Variants in ABCG1 observed in about 807,000 individuals in gnomAD.
ABCG1 encodes the protein ATP-binding cassette sub-family G member 1.
ABCG1 carries 29 observed loss-of-function variants against 69.2 expected under a neutral mutation model. The observed-to-expected ratio is 0.42, with a 90% CI of 0.31 to 0.57. The LOEUF (loss-of-function observed/expected upper bound fraction) is 0.57. Among genes scored for constraint, ABCG1 ranks in the 20% least tolerant of loss-of-function variants. The pLI is 0.15. For missense variants in ABCG1, 718 were observed against 898.1 expected (o/e 0.80, Z 2.56); for synonymous variants, 370 against 374.8 (o/e 0.99, Z 0.15).
intron 7 of ABCG1, among the ~76,000 whole-genome samples, chr21:42,284,888 C>T (rs1465873321): frequency 3.9e-5 from 6 of 152,064 alleles, no homozygotes; most frequent in Non-Finnish European, 8.8e-5. Flanking sequence ...TCTGTTACCT[C>T]GTGGGATGTC....
chr21:42,279,494 C>A (rs1369960412), intron 5 of ABCG1, among the ~76,000 whole-genome samples: 1 of 152,208 alleles, frequency 6.6e-6, no homozygotes, highest in Non-Finnish European at 1.5e-5. Flanking sequence ...TGGGCCACTG[C>A]CTGCTGTGCC....
rs1037286999 is a variant in ABCG1, at chr21:42,283,653, C to A, written c.735-907C>A. ...TGCCTGCCTGGACAGTTGTGAAGTC[C>A]CCCCCCACCCAAATGAGTGGGGAAC... On this transcript the variant is annotated intron_variant, in intron 6 of 14. Coordinates refer to ENST00000398449, the MANE Select transcript of ABCG1 (RefSeq NM_016818.3). Among the ~76,000 whole-genome samples the A allele has an allele frequency of 2.0e-5, 3 of 146,884 alleles. No individual in the cohort carries two copies. In the Admixed American group the frequency reaches 2.2e-4, roughly 11 times the overall value.
chr21:42,274,082 C>T (rs577220714), intron 4 of ABCG1, among the ~76,000 whole-genome samples: 4 of 152,372 alleles, frequency 2.6e-5, no homozygotes, highest in South Asian at 4.1e-4. Context: ...TCTCCAAAGG[C>T]GCACCTTTAA....
chr21:42,238,782 G>GA (rs1211445888), intron 2 of ABCG1, among the ~76,000 whole-genome samples: 3 of 152,198 alleles, frequency 2.0e-5, no homozygotes, highest in Non-Finnish European at 4.4e-5. Context: ...GGTCATGACT[G>GA]AAAATTGAGG....
intron 7 of ABCG1, 120 bp from the exon 8 acceptor site, chr21:42,285,760 G>A (rs1378336236): frequency 1.4e-6 from 1 of 733,158 alleles, no homozygotes; most frequent in Non-Finnish European, 2.4e-6. Flanking sequence ...AGAGGAAGTG[G>A]CTGATCGCTG....
chr21:42,212,637 GAC>G (rs2067599875), upstream of ABCG1, among the ~76,000 whole-genome samples: 1 of 152,148 alleles, frequency 6.6e-6, no homozygotes, highest in African/African-American at 2.4e-5. Context: ...ATGTCTTGAG[GAC>G]ACTGCTTACC....
intron 2 of ABCG1, among the ~76,000 whole-genome samples, chr21:42,260,525 G>T (rs774773673): frequency 6.6e-6 from 1 of 152,134 alleles, no homozygotes; most frequent in Non-Finnish European, 1.5e-5. Context: ...GAGAGGAGCC[G>T]CATGGAAGGG....
At chr21:42,259,317 A>G (rs1243702985) in intron 2 of ABCG1, 7 of 1,545,272 alleles carry the variant, frequency 4.5e-6, no homozygotes, top group Non-Finnish European at 6.1e-6. Context: ...TGCAGTAGCC[A>G]CAGCCGTGCA....
intron 2 of ABCG1, chr21:42,259,483 C>T: frequency 6.5e-7 from 1 of 1,548,032 alleles, no homozygotes; most frequent in Non-Finnish European, 8.7e-7. Context: ...GTCATCATGC[C>T]CCCATCCAAC....
chr21:42,251,712 C>T (rs1469564631), intron 2 of ABCG1, among the ~76,000 whole-genome samples: 1 of 152,194 alleles, frequency 6.6e-6, no homozygotes, highest in Non-Finnish European at 1.5e-5. Flanking sequence ...CAGGCCTAGG[C>T]ACAGTCGGTC....
intron 2 of ABCG1, among the ~76,000 whole-genome samples, chr21:42,238,040 A>G (rs1324641145): frequency 1.3e-5 from 2 of 152,206 alleles, no homozygotes; most frequent in African/African-American, 2.4e-5. Flanking sequence ...CTGGCACACA[A>G]TAGTGCTCAA....
intron 2 of ABCG1, among the ~76,000 whole-genome samples, chr21:42,235,348 G>T (rs1054046976): frequency 2.0e-5 from 3 of 152,322 alleles, no homozygotes; most frequent in African/African-American, 7.2e-5. Context: ...CTGCGTCGGG[G>T]GACTGCGGGA....
intron 2 of ABCG1, among the ~76,000 whole-genome samples, chr21:42,247,897 A>C (rs1031930894): frequency 1.3e-5 from 2 of 152,148 alleles, no homozygotes; most frequent in African/African-American, 2.4e-5. Flanking sequence ...GGCCAGCAAG[A>C]GCCTGGAGAC....
At chr21:42,268,388 T>TGCGCAC (rs1555957897) in intron 2 of ABCG1, among the ~76,000 whole-genome samples, 20 of 110,180 alleles carry the variant, frequency 1.8e-4, no homozygotes, top group African/African-American at 6.0e-4. Flanking sequence ...TGTGTGTGTG[T>TGCGCAC]GCGCGCGCGC....
intron 2 of ABCG1, among the ~76,000 whole-genome samples, chr21:42,268,787 G>A (rs2068563235): frequency 6.6e-6 from 1 of 152,130 alleles, no homozygotes; most frequent in Non-Finnish European, 1.5e-5. Context: ...ACCAGCCTGA[G>A]ACCACCTGTC....
At chr21:42,265,875 C>A (rs225394) in intron 2 of ABCG1, among the ~76,000 whole-genome samples, 32 of 152,096 alleles carry the variant, frequency 2.1e-4, no homozygotes, top group African/African-American at 6.5e-4. Flanking sequence ...AGCCCCCTCG[C>A]GCACTGCCAT....
intron 2 of ABCG1, among the ~76,000 whole-genome samples, chr21:42,237,139 G>A (rs1453134681): frequency 1.3e-5 from 2 of 152,184 alleles, no homozygotes; most frequent in African/African-American, 4.8e-5. Flanking sequence ...GAGGAAAATG[G>A]GCAGCATCAT....
intron 2 of ABCG1, among the ~76,000 whole-genome samples, chr21:42,261,986 G>C (rs189044516): frequency 6.6e-6 from 1 of 152,278 alleles, no homozygotes; most frequent in African/African-American, 2.4e-5. Context: ...CTTCCCCAGG[G>C]TCTCTCGAGA....
At chr21:42,263,533 C>A (rs572907854) in intron 2 of ABCG1, among the ~76,000 whole-genome samples, 2 of 152,162 alleles carry the variant, frequency 1.3e-5, no homozygotes, top group African/African-American at 4.8e-5. Flanking sequence ...TTATGGTCTG[C>A]GCACTTCTCT....
Sources: gnomAD v4.1 joint callset for allele counts (sites outside exome capture counted in the v4.1 genomes callset) on GRCh38, gnomAD v4.1.1 for gene constraint, MANE v1.5 for transcripts, NCBI Gene and HGNC (gene_info 2026-07-23, HGNC 2026-07-21) for gene names.